The following CADM2 variants were observed in gnomAD, a reference collection of about 807,000 sequenced individuals.
CADM2 encodes the protein immunoglobulin superfamily member 4D.
In CADM2, 12 loss-of-function variants were observed where a neutral mutation model predicts 49.8. The ratio of observed to expected loss-of-function variants is 0.24; its 90% CI spans 0.15 to 0.39. The LOEUF (loss-of-function observed/expected upper bound fraction) is 0.39, where lower values mean the gene tolerates loss of function less well. Among genes scored for constraint, CADM2 ranks in the 10% least tolerant of loss-of-function variants. The pLI, the probability that CADM2 is intolerant of heterozygous loss-of-function variation, is 1.00. For missense variants in CADM2, 378 were observed against 492.3 expected (o/e 0.77, Z 2.20); for synonymous variants, 214 against 175.4 (o/e 1.22, Z -1.74).
At chr3:85,174,765 A>C (rs2040731216) in intron 1 of CADM2, among the ~76,000 whole-genome samples, 4 of 152,094 alleles carry the variant, frequency 2.6e-5, no homozygotes, top group Admixed American at 2.6e-4. Context: ...AAACGTAATG[A>C]AAAGGAAAGG....
At chr3:85,785,261 T>C (rs1372034479) in intron 2 of CADM2, among the ~76,000 whole-genome samples, 1 of 152,142 alleles carries the variant, frequency 6.6e-6, no homozygotes, top group Admixed American at 6.6e-5. Context: ...TTTTTTAGTG[T>C]CAGATTCATT....
chr3:85,641,880 G>A (rs555792148), intron 1 of CADM2, among the ~76,000 whole-genome samples: 39 of 151,978 alleles, frequency 2.6e-4, no homozygotes, highest in African/African-American at 8.4e-4. Flanking sequence ...GCAGTGAGCC[G>A]AGGTCGCACC....
intron 1 of CADM2, among the ~76,000 whole-genome samples, chr3:84,975,585 G>A (rs2031768114): frequency 6.6e-6 from 1 of 151,714 alleles, no homozygotes; most frequent in South Asian, 2.1e-4. Flanking sequence ...ATCATTTTGA[G>A]TGGGGAAAGG....
chr3:85,073,283 G>A (rs951390987), intron 1 of CADM2, among the ~76,000 whole-genome samples: 5 of 152,122 alleles, frequency 3.3e-5, no homozygotes, highest in Non-Finnish European at 5.9e-5. Flanking sequence ...CAGACTTTAC[G>A]TGATCTATCT....
intron 1 of CADM2, among the ~76,000 whole-genome samples, chr3:84,970,275 T>G (rs1198359222): frequency 7.5e-5 from 1 of 13,396 alleles, no homozygotes; most frequent in East Asian, 5.8e-4. Context: ...TTGAATTTGA[T>G]TTTTTTTTTT....
At chr3:85,795,777 T>G (rs891735375) in intron 2 of CADM2, among the ~76,000 whole-genome samples, 5 of 152,222 alleles carry the variant, frequency 3.3e-5, no homozygotes, top group African/African-American at 1.2e-4. Flanking sequence ...ATTGACATCT[T>G]AAATTTCCAA....
intron 2 of CADM2, among the ~76,000 whole-genome samples, chr3:85,775,650 T>A (rs75453346): frequency 0.1 from 15,672 of 151,856 alleles, 907 homozygotes; most frequent in South Asian, 0.11. Flanking sequence ...TTCAGCTCTA[T>A]AAAATAGATT....
intron 1 of CADM2, among the ~76,000 whole-genome samples, chr3:85,412,957 C>G (rs1020291100): frequency 2.0e-5 from 3 of 150,986 alleles, no homozygotes; most frequent in African/African-American, 7.3e-5. Flanking sequence ...CTGGCTAACA[C>G]GGAGAAACCC....
intron 1 of CADM2, among the ~76,000 whole-genome samples, chr3:85,343,824 C>T (rs1259503504): frequency 6.6e-6 from 1 of 152,146 alleles, no homozygotes; most frequent in Non-Finnish European, 1.5e-5. Context: ...CTTGAGTTAT[C>T]TTGTTTGTTT....
intron 1 of CADM2, among the ~76,000 whole-genome samples, chr3:85,569,807 C>T (rs576989570): frequency 6.6e-6 from 1 of 151,692 alleles, no homozygotes; most frequent in East Asian, 1.9e-4. Flanking sequence ...AAAGAAAAAC[C>T]TAATCTGAGG....
chr3:85,477,243 A>AACACACACACACACAC (rs139955724), intron 1 of CADM2, among the ~76,000 whole-genome samples: 103 of 144,848 alleles, frequency 7.1e-4, no homozygotes, highest in African/African-American at 1.8e-3. Flanking sequence ...GATTCCCTTA[A>AACACACACACACACAC]ACACACACAC....
At chr3:85,861,230 A>T (rs1219471214) in intron 3 of CADM2, among the ~76,000 whole-genome samples, 1 of 152,178 alleles carries the variant, frequency 6.6e-6, no homozygotes, top group Non-Finnish European at 1.5e-5. Flanking sequence ...GGCTTGAAGT[A>T]TGGTGTTAGG....
chr3:85,646,173 A>G (rs996419285), intron 1 of CADM2, among the ~76,000 whole-genome samples: 1 of 151,944 alleles, frequency 6.6e-6, no homozygotes, highest in African/African-American at 2.4e-5. Flanking sequence ...GGAATACAGC[A>G]TTTCTATAAG....
chr3:85,706,873 A>G (rs1272167723), intron 1 of CADM2, among the ~76,000 whole-genome samples: 2 of 152,198 alleles, frequency 1.3e-5, no homozygotes, highest in Admixed American at 6.5e-5. Flanking sequence ...GTCCTATCCA[A>G]TATATTCTGG....
At chr3:85,216,379 G>A (rs2041927427) in intron 1 of CADM2, among the ~76,000 whole-genome samples, 1 of 145,134 alleles carries the variant, frequency 6.9e-6, no homozygotes, top group African/African-American at 2.6e-5. Flanking sequence ...TAATATTAAT[G>A]TACACTTATA....
intron 1 of CADM2, among the ~76,000 whole-genome samples, chr3:85,160,137 A>C (rs1163996825): frequency 6.6e-6 from 1 of 152,192 alleles, no homozygotes; most frequent in Admixed American, 6.5e-5. Flanking sequence ...TTGAGATGGA[A>C]TATCACCTAT....
chr3:85,779,954 A>G (rs2070551642), intron 2 of CADM2, among the ~76,000 whole-genome samples: 1 of 152,156 alleles, frequency 6.6e-6, no homozygotes, highest in Non-Finnish European at 1.5e-5. Flanking sequence ...GAAGATATAG[A>G]TACGAAGGAC....
At chr3:85,567,927 CAGG>C (rs1050084054) in intron 1 of CADM2, among the ~76,000 whole-genome samples, 1 of 152,168 alleles carries the variant, frequency 6.6e-6, no homozygotes, top group African/African-American at 2.4e-5. Context: ...TGTGGAAGGG[CAGG>C]AGGAGAAGGG....
At chr3:85,361,692 C>A (rs925033869) in intron 1 of CADM2, among the ~76,000 whole-genome samples, 2 of 152,090 alleles carry the variant, frequency 1.3e-5, no homozygotes, top group South Asian at 4.1e-4. Context: ...CATTGCAAAG[C>A]GTCCTGAAAT....
Sources: gnomAD v4.1 joint callset for allele counts (sites outside exome capture counted in the v4.1 genomes callset) on GRCh38, gnomAD v4.1.1 for gene constraint, MANE v1.5 for transcripts, NCBI Gene and HGNC (gene_info 2026-07-23, HGNC 2026-07-21) for gene names.